CNTN5: variants seen among roughly 807,000 people sequenced by gnomAD.
CNTN5 encodes contactin 5, also known as contactin-5.
Under a neutral mutation model 129.1 loss-of-function variants are expected in CNTN5, and 77 were observed. The observed-to-expected ratio is 0.60, with a 90% CI of 0.50 to 0.72. The LOEUF is 0.72. CNTN5 is among the 30% of genes least tolerant of loss of function. The probability of loss-of-function intolerance (pLI) is 0.00; values close to 1 mark genes in which losing one functional copy is unlikely to be tolerated. For missense variants in CNTN5, 1,478 were observed against 1,328.8 expected (o/e 1.11, Z -1.75); for synonymous variants, 509 against 465.6 (o/e 1.09, Z -1.20).
At chr11:100,211,534 G>A (rs1054754532) in intron 15 of CNTN5, among the ~76,000 whole-genome samples, 15 of 151,968 alleles carry the variant, frequency 9.9e-5, no homozygotes, top group African/African-American at 3.6e-4. Flanking sequence ...AATCATAGAG[G>A]CAGAATCTTA....
At chr11:99,704,235 G>T (rs1364734566) in intron 3 of CNTN5, among the ~76,000 whole-genome samples, 2 of 150,818 alleles carry the variant, frequency 1.3e-5, no homozygotes, top group Admixed American at 6.6e-5. Flanking sequence ...AATCCACCAG[G>T]TATTCACATA....
chr11:100,113,143 T>C (rs963510280), intron 13 of CNTN5, among the ~76,000 whole-genome samples: 2 of 151,890 alleles, frequency 1.3e-5, no homozygotes, highest in East Asian at 3.9e-4. Flanking sequence ...ATCAGACAAC[T>C]GTTCTGTATC....
chr11:99,149,716 A>G (rs1427540321), intron 1 of CNTN5, among the ~76,000 whole-genome samples: 1 of 152,180 alleles, frequency 6.6e-6, no homozygotes, highest in Non-Finnish European at 1.5e-5. Context: ...CTATCTATGG[A>G]TGTCCCTCCT....
chr11:99,206,433 TTG>T (rs1555077724), intron 1 of CNTN5, among the ~76,000 whole-genome samples: 2 of 152,112 alleles, frequency 1.3e-5, no homozygotes, highest in South Asian at 2.1e-4. Flanking sequence ...CTGCTTTATT[TTG>T]TGTGTCTTTT....
chr11:99,455,974 C>T (rs1216459374), intron 2 of CNTN5, among the ~76,000 whole-genome samples: 1 of 151,966 alleles, frequency 6.6e-6, no homozygotes, highest in African/African-American at 2.4e-5. Flanking sequence ...TAAGTAGTTG[C>T]CAAAACAACC....
chr11:100,187,689 A>G (rs1158459572), intron 13 of CNTN5, among the ~76,000 whole-genome samples: 1 of 152,182 alleles, frequency 6.6e-6, no homozygotes, highest in East Asian at 1.9e-4. Flanking sequence ...GTAATGAGGA[A>G]AGGACTTCTT....
chr11:99,133,618 GA>G (rs1565344480), intron 1 of CNTN5, among the ~76,000 whole-genome samples: 2 of 131,564 alleles, frequency 1.5e-5, no homozygotes. Flanking sequence ...CACTTCTCAA[GA>G]AAAAAAAAAG....
rs560549402 is a variant in CNTN5, at chr11:99,676,455, G to A, written c.55+120186G>A. On this transcript the variant is annotated intron_variant, in intron 3 of 24. Coordinates refer to ENST00000524871, the MANE Select transcript of CNTN5 (RefSeq NM_014361.4). ...TTGTCACATTATGGGATTTTTCCAA[G>A]AAATACATTTCTTTCTCATAGGCCC... 5.3e-5 allele frequency among the ~76,000 whole-genome samples: 8 copies of A among 152,248 alleles called. No individual in the cohort carries two copies. The South Asian group carries it at 1.5e-3, about 28-fold the overall frequency.
At chr11:100,038,696 T>C (rs1942188825) in intron 9 of CNTN5, among the ~76,000 whole-genome samples, 1 of 151,988 alleles carries the variant, frequency 6.6e-6, no homozygotes, top group Admixed American at 6.6e-5. Flanking sequence ...CTCTTCTTGT[T>C]TAATTGATCC....
chr11:99,855,541 A>G (rs928693473), intron 6 of CNTN5, among the ~76,000 whole-genome samples: 2 of 152,208 alleles, frequency 1.3e-5, no homozygotes, highest in African/African-American at 4.8e-5. Flanking sequence ...ACACAGCTTC[A>G]TGGACATGAC....
chr11:100,047,335 C>T (rs1310166580), intron 9 of CNTN5, among the ~76,000 whole-genome samples: 1 of 152,034 alleles, frequency 6.6e-6, no homozygotes, highest in Non-Finnish European at 1.5e-5. Context: ...AAAATAAAGA[C>T]TATTTTTAAC....
At chr11:99,644,755 C>T (rs913823281) in intron 3 of CNTN5, among the ~76,000 whole-genome samples, 2 of 152,038 alleles carry the variant, frequency 1.3e-5, no homozygotes, top group African/African-American at 4.8e-5. Flanking sequence ...AACATTTAGC[C>T]TAGTAGATTT....
chr11:99,372,737 A>G (rs1035239619), intron 2 of CNTN5, among the ~76,000 whole-genome samples: 1 of 152,226 alleles, frequency 6.6e-6, no homozygotes. Flanking sequence ...TATTGTACAC[A>G]CGCTATGCCT....
chr11:99,693,653 T>C (rs74316450), intron 3 of CNTN5, among the ~76,000 whole-genome samples: 4,203 of 152,050 alleles, frequency 0.028, 182 homozygotes, highest in African/African-American at 0.092. Flanking sequence ...AATACCCAAA[T>C]TGAGTAGTTG....
intron 1 of CNTN5, among the ~76,000 whole-genome samples, chr11:99,034,709 T>C (rs1314254110): frequency 6.6e-6 from 1 of 152,132 alleles, no homozygotes; most frequent in African/African-American, 2.4e-5. Flanking sequence ...GTTGATCCTT[T>C]CAAAAAACCA....
chr11:99,909,939 T>C (rs1185407428), intron 6 of CNTN5, among the ~76,000 whole-genome samples: 2 of 151,750 alleles, frequency 1.3e-5, no homozygotes, highest in South Asian at 2.1e-4. Context: ...TGTGCACATG[T>C]ACCCTAAAAC....
At chr11:99,933,061 G>A (rs1162869801) in intron 7 of CNTN5, among the ~76,000 whole-genome samples, 2 of 152,030 alleles carry the variant, frequency 1.3e-5, no homozygotes, top group African/African-American at 4.8e-5. Flanking sequence ...TTGTTCTAAA[G>A]CAAATAATGA....
chr11:100,027,698 G>A (rs1941498131), intron 9 of CNTN5, among the ~76,000 whole-genome samples: 1 of 152,204 alleles, frequency 6.6e-6, no homozygotes, highest in East Asian at 1.9e-4. Context: ...AGTTTCTCCA[G>A]ACTCCCAGAT....
In CNTN5 at chr11:99,655,068, C is replaced by T. The variant is rs115566686; in HGVS notation, c.55+98799C>T. Among the ~76,000 whole-genome samples, 340 of 152,094 alleles carry T rather than the reference C, an allele frequency of 2.2e-3. 1 individual carries two copies. Among genetic ancestry groups the T allele is most frequent in the African/African-American group, 7.5e-3 (310 of 41,522 alleles). ...GTCATGGGCCAGGGAGATGAAGAAG[C>T]TGTATTCTCATGCAGATCCCATTCC... On this transcript the variant is annotated intron_variant, in intron 3 of 24. Coordinates refer to ENST00000524871, the MANE Select transcript of CNTN5 (RefSeq NM_014361.4).
Sources: allele counts gnomAD v4.1 joint callset (sites outside exome capture counted in the v4.1 genomes callset), GRCh38; gene constraint gnomAD v4.1.1; transcripts MANE v1.5; gene names NCBI Gene and HGNC (gene_info 2026-07-23, HGNC 2026-07-21).